SGCD: variants seen among roughly 807,000 people sequenced by gnomAD.
SGCD encodes sarcoglycan delta.
SGCD carries 18 observed loss-of-function variants against 36.6 expected under a neutral mutation model. That is an observed-to-expected ratio of 0.49 (90% CI 0.34 to 0.73). SGCD has a LOEUF of 0.73. Ranked by LOEUF, SGCD falls within the 30% of genes least tolerant of loss-of-function variation. The pLI is 0.01. For synonymous variants in SGCD, 133 were observed against 130.6 expected, an observed-to-expected ratio of 1.02 and a Z score of -0.12; for missense variants, 387 against 346.7, an observed-to-expected ratio of 1.12 and a Z score of -0.92.
At chr5:156,330,121 C>A (rs1434572074) in intron 2 of SGCD, among the ~76,000 whole-genome samples, 1 of 150,476 alleles carries the variant, frequency 6.6e-6, no homozygotes, top group Non-Finnish European at 1.5e-5. Context: ...TGAAATGTTT[C>A]AAAATTTGAA....
chr5:156,529,154 C>T (rs1271096903), intron 4 of SGCD, among the ~76,000 whole-genome samples: 5 of 151,938 alleles, frequency 3.3e-5, no homozygotes, highest in African/African-American at 4.8e-5. Context: ...TGGGCCGGTG[C>T]GCCAGCTCAC....
At position 156,168,810 on chromosome 5, in the gene SGCD, G is replaced by A. The variant is rs1454197961; in HGVS notation, c.-44+44791G>A. Among the ~76,000 whole-genome samples the A allele has an allele frequency of 2.6e-5, 4 of 152,216 alleles. No individual in the cohort carries two copies. In the East Asian group the frequency reaches 7.7e-4, roughly 29 times the overall value. On this transcript the variant is annotated intron_variant, in intron 3 of 9. Transcript: ENST00000517913. ...ACACCTGTTCTATGCCAGGTGCTCT[G>A]AGAGATAGAAGAGTAAGGCTCAGGC...
rs59580975 is a variant in SGCD, at chr5:156,504,392, G to GTATATATATATATATATATA, written c.193-4195_193-4176dup. 2.7e-3 allele frequency among the ~76,000 whole-genome samples: 199 copies of GTATATATATATATATATATA among 75,018 alleles called. 1 individual carries two copies. Among genetic ancestry groups the GTATATATATATATATATATA allele is most frequent in the African/African-American group, 6.2e-3 (161 of 25,874 alleles). The allele number at this position is 75,018 out of a possible 152,430, so 49.2% of individuals were successfully genotyped here. On this transcript the variant is annotated intron_variant, in intron 3 of 8. Coordinates refer to ENST00000337851, the MANE Select transcript of SGCD (RefSeq NM_000337.6). The stretch of plus-strand genomic sequence containing the variant: ...CATGAGTATATGTGGGTGTGTGTGT[G>GTATATATATATATATATATA]TATATATATATATATATATATATAT...
intron 3 of SGCD, among the ~76,000 whole-genome samples, chr5:156,175,935 T>A (rs1268629932): frequency 2.0e-5 from 3 of 149,352 alleles, no homozygotes; most frequent in Admixed American, 6.7e-5. Context: ...CATGCGGCTA[T>A]TTTTCTGTGG....
intron 3 of SGCD, among the ~76,000 whole-genome samples, chr5:156,293,847 A>G (rs925094228): frequency 6.6e-6 from 1 of 152,152 alleles, no homozygotes; most frequent in African/African-American, 2.4e-5. Flanking sequence ...TACTGCAAGA[A>G]AGAAAGAAAA....
intron 1 of SGCD, among the ~76,000 whole-genome samples, chr5:155,925,022 A>G (rs1756968291): frequency 6.6e-6 from 1 of 151,696 alleles, no homozygotes; most frequent in South Asian, 2.1e-4. Flanking sequence ...TGTCCTTAGC[A>G]AAATGAGGAA....
chr5:155,845,925 C>A, the SGCD span, among the ~76,000 whole-genome samples: 1 of 152,096 alleles, frequency 6.6e-6, no homozygotes, highest in Non-Finnish European at 1.5e-5. Flanking sequence ...GCTCATTTTT[C>A]TGGGCCATTT....
intron 4 of SGCD, among the ~76,000 whole-genome samples, chr5:156,535,702 C>A (rs1758076465): frequency 6.6e-6 from 1 of 152,186 alleles, no homozygotes; most frequent in Non-Finnish European, 1.5e-5. Flanking sequence ...TATTTTTACA[C>A]AATGATGAAT....
intron 3 of SGCD, among the ~76,000 whole-genome samples, chr5:156,444,345 AAAT>A (rs986569111): frequency 3.3e-5 from 5 of 152,044 alleles, no homozygotes; most frequent in Non-Finnish European, 7.4e-5. Context: ...CCTACACAAA[AAAT>A]AATATTTCTA....
intron 3 of SGCD, among the ~76,000 whole-genome samples, chr5:156,211,745 A>G (rs1764449091): frequency 6.6e-6 from 1 of 152,160 alleles, no homozygotes; most frequent in Non-Finnish European, 1.5e-5. Context: ...GATGGTATAT[A>G]AATTACTTAT....
At chr5:156,373,363 T>C (rs1561652769) in intron 3 of SGCD, among the ~76,000 whole-genome samples, 1 of 152,238 alleles carries the variant, frequency 6.6e-6, no homozygotes, top group Non-Finnish European at 1.5e-5. Flanking sequence ...TAATGTTCCC[T>C]CTTTGGTATC....
rs75501092 is a variant in SGCD, at chr5:156,537,930, G to A, written c.294+29228G>A. The stretch of plus-strand genomic sequence containing the variant: ...GGTTCTGGGCCTGGAAAGACATACC[G>A]TCTTTTCTTCCTGTGAGGGTTAACT... On this transcript the variant is annotated intron_variant, in intron 4 of 8. Transcript: ENST00000337851. Among the ~76,000 whole-genome samples the A allele has an allele frequency of 4.9e-4, 75 of 152,018 alleles. No homozygotes were observed. In the East Asian group the frequency reaches 0.014, roughly 28 times the overall value.
intron 3 of SGCD, among the ~76,000 whole-genome samples, chr5:156,242,845 C>T (rs368569107): frequency 5.3e-5 from 8 of 152,076 alleles, no homozygotes; most frequent in East Asian, 1.9e-4. Flanking sequence ...GCTCAGGTGG[C>T]GGTGATTCTG....
At chr5:156,213,894 T>C (rs917694589) in intron 3 of SGCD, among the ~76,000 whole-genome samples, 2 of 151,898 alleles carry the variant, frequency 1.3e-5, no homozygotes, top group African/African-American at 4.8e-5. Context: ...AGATTTGACA[T>C]AATTGAACAT....
At chr5:156,090,823 C>G (rs1761221725) in intron 1 of SGCD, among the ~76,000 whole-genome samples, 1 of 152,118 alleles carries the variant, frequency 6.6e-6, no homozygotes, top group South Asian at 2.1e-4. Flanking sequence ...TATTAATATT[C>G]CTTGCTGGGA....
At chr5:156,046,410 T>A (rs533655546) in intron 1 of SGCD, among the ~76,000 whole-genome samples, 12 of 152,296 alleles carry the variant, frequency 7.9e-5, no homozygotes, top group African/African-American at 2.9e-4. Context: ...TCACAGATAC[T>A]GTGTTTTTTA....
intron 3 of SGCD, among the ~76,000 whole-genome samples, chr5:156,306,002 C>T (rs567264738): frequency 3.3e-5 from 5 of 152,316 alleles, no homozygotes; most frequent in African/African-American, 1.2e-4. Context: ...AAGTAACTAA[C>T]TTACTTTTGA....
At chr5:156,044,060 C>G (rs746359136) in intron 1 of SGCD, among the ~76,000 whole-genome samples, 3 of 152,018 alleles carry the variant, frequency 2.0e-5, no homozygotes, top group Non-Finnish European at 2.9e-5. Flanking sequence ...GTCAAAGAGC[C>G]CCTAAGCACC....
At chr5:155,973,323 T>C (rs1410269607) in intron 1 of SGCD, among the ~76,000 whole-genome samples, 2 of 152,192 alleles carry the variant, frequency 1.3e-5, no homozygotes, top group Non-Finnish European at 2.9e-5. Flanking sequence ...TCCTGAAAGA[T>C]GAATGACTCA....
Sources: gnomAD v4.1 joint callset for allele counts (sites outside exome capture counted in the v4.1 genomes callset) on GRCh38, gnomAD v4.1.1 for gene constraint, MANE v1.5 for transcripts, NCBI Gene and HGNC (gene_info 2026-07-23, HGNC 2026-07-21) for gene names.